Variants in CTNNA2 observed in about 807,000 individuals in gnomAD.
CTNNA2 encodes the protein catenin alpha 2, also known as catenin alpha-2.
CTNNA2 carries 42 observed loss-of-function variants against 101.0 expected under a neutral mutation model. The ratio of observed to expected loss-of-function variants is 0.42; its 90% CI spans 0.32 to 0.54. CTNNA2 has a LOEUF of 0.54. Among genes scored for constraint, CTNNA2 ranks in the 20% least tolerant of loss-of-function variants. The probability of loss-of-function intolerance (pLI) is 0.14; values close to 1 mark genes in which losing one functional copy is unlikely to be tolerated. For synonymous variants in CTNNA2, 450 were observed against 456.4 expected (o/e 0.99, Z 0.18); for missense variants, 871 against 1,223.1 (o/e 0.71, Z 4.29).
chr2:79,325,644 AGGTCACTGTG>A (rs1676729537), intron 3 of CTNNA2, among the ~76,000 whole-genome samples: 1 of 152,224 alleles, frequency 6.6e-6, no homozygotes, highest in African/African-American at 2.4e-5. Flanking sequence ...CTCTGTGGCC[AGGTCACTGTG>A]GGGACGGGGG....
At chr2:80,474,962 C>A (rs1472282263) in intron 9 of CTNNA2, among the ~76,000 whole-genome samples, 6 of 152,016 alleles carry the variant, frequency 3.9e-5, no homozygotes, top group Non-Finnish European at 5.9e-5. Context: ...ATTCTTAAGA[C>A]CAAAAAAATT....
intron 8 of CTNNA2, among the ~76,000 whole-genome samples, chr2:80,396,714 A>G (rs1678046443): frequency 4.6e-5 from 7 of 152,324 alleles, no homozygotes; most frequent in Admixed American, 4.6e-4. Flanking sequence ...AAGTTGATAA[A>G]TCAGCACCCA....
chr2:80,305,440 G>C (rs764908462), intron 7 of CTNNA2: 19 of 940,072 alleles, frequency 2.0e-5, no homozygotes, highest in Non-Finnish European at 2.4e-5. Flanking sequence ...GACATGGGGA[G>C]GGCTTACCCT....
At chr2:79,981,005 G>A (rs1691226499) in intron 7 of CTNNA2, among the ~76,000 whole-genome samples, 1 of 151,878 alleles carries the variant, frequency 6.6e-6, no homozygotes, top group Non-Finnish European at 1.5e-5. Context: ...GGCTTTGCTT[G>A]GTATTAGAAT....
intron 7 of CTNNA2, among the ~76,000 whole-genome samples, chr2:80,199,816 A>T (rs78616967): frequency 0.028 from 4,311 of 152,262 alleles, 206 homozygotes; most frequent in African/African-American, 0.097. Flanking sequence ...GTATGTCATC[A>T]TAAAGAAGAA....
At chr2:79,962,603 A>C (rs1390563501) in intron 7 of CTNNA2, among the ~76,000 whole-genome samples, 1 of 152,192 alleles carries the variant, frequency 6.6e-6, no homozygotes, top group Non-Finnish European at 1.5e-5. Context: ...ATGCCATATT[A>C]ATCCCCAACA....
chr2:79,329,827 C>T (rs1042421479), intron 3 of CTNNA2, among the ~76,000 whole-genome samples: 5 of 152,180 alleles, frequency 3.3e-5, no homozygotes, highest in Middle Eastern at 3.2e-3. Flanking sequence ...AATGAGTCCA[C>T]AATCTGGCTA....
intron 3 of CTNNA2, among the ~76,000 whole-genome samples, chr2:79,820,926 G>C (rs575930506): frequency 1.3e-5 from 2 of 152,176 alleles, no homozygotes; most frequent in South Asian, 4.2e-4. Context: ...ATTTTTAATG[G>C]TTGTTGTCTT....
At position 79,652,132 on chromosome 2, in the gene CTNNA2, G is replaced by A. The variant is rs183316696; in HGVS notation, c.102+474G>A. ...AGTTGTCACATTTCCACAAGATAAC[G>A]GTCAACAGAAAAATATCATCAGGAT... On this transcript the variant is annotated intron_variant, in intron 2 of 18. Coordinates refer to ENST00000402739, the MANE Select transcript of CTNNA2 (RefSeq NM_001282597.3). Among the ~76,000 whole-genome samples, 803 of 152,042 alleles carry A rather than the reference G, an allele frequency of 5.3e-3. 3 individuals carry two copies. The highest frequency in any genetic ancestry group is 5.8e-3 in the Non-Finnish European group (397 of 67,968).
chr2:79,342,277 A>G (rs565310216), intron 3 of CTNNA2, among the ~76,000 whole-genome samples: 2 of 152,330 alleles, frequency 1.3e-5, no homozygotes, highest in East Asian at 3.9e-4. Context: ...ATTGAAATAG[A>G]TTATGAATAA....
chr2:79,430,622 T>G (rs1678649831), intron 4 of CTNNA2, among the ~76,000 whole-genome samples: 1 of 152,162 alleles, frequency 6.6e-6, no homozygotes, highest in African/African-American at 2.4e-5. Flanking sequence ...GCATATATTA[T>G]TTTACTTAAC....
At chr2:80,212,562 T>G (rs1249766494) in intron 7 of CTNNA2, among the ~76,000 whole-genome samples, 1 of 151,646 alleles carries the variant, frequency 6.6e-6, no homozygotes, top group Non-Finnish European at 1.5e-5. Flanking sequence ...ATCCCAGGGA[T>G]GAAGCCAACT....
rs1165447044 is a variant in CTNNA2, at chr2:79,909,736, T to C, written c.995T>C (p.Val332Ala). 1 of 1,613,818 alleles carries C rather than the reference T, an allele frequency of 6.2e-7. No homozygotes were observed. Among genetic ancestry groups the C allele is most frequent in the Non-Finnish European group, 8.5e-7 (1 of 1,179,844 alleles). Residue 332 changes from valine to alanine, a missense_variant, in exon 7 of 19, where the codon GTG becomes GCG. By Grantham distance (64) the Val-to-Ala change is moderately conservative. Coordinates refer to ENST00000402739, the MANE Select transcript of CTNNA2 (RefSeq NM_001282597.3). ...CTRDDRRERI[V>A]AECNAVRQAL... is the part of the protein sequence containing the mutation. Reference sequence around the variant, plus strand: ...CGAGACGACCGGCGCGAGAGGATCGTGGCGGAGTGCAACGCCGTGCGGCAG... The same window carrying C: ...CGAGACGACCGGCGCGAGAGGATCGCGGCGGAGTGCAACGCCGTGCGGCAG...
chr2:79,594,619 A>T (rs925070010), intron 1 of CTNNA2, among the ~76,000 whole-genome samples: 2 of 152,168 alleles, frequency 1.3e-5, no homozygotes, highest in East Asian at 3.9e-4. Context: ...TCATATCTGC[A>T]GTTTTGTCAA....
At chr2:79,333,162 T>G (rs1226946796) in intron 3 of CTNNA2, among the ~76,000 whole-genome samples, 1 of 152,068 alleles carries the variant, frequency 6.6e-6, no homozygotes, top group Non-Finnish European at 1.5e-5. Flanking sequence ...GAAATGAAAC[T>G]CCTATTAGAA....
intron 7 of CTNNA2, among the ~76,000 whole-genome samples, chr2:80,129,898 C>T (rs1367747725): frequency 6.6e-6 from 1 of 152,074 alleles, no homozygotes; most frequent in Non-Finnish European, 1.5e-5. Flanking sequence ...AACCTCAGAA[C>T]TATGCTAAGT....
At chr2:80,285,063 T>A (rs1674651319) in intron 7 of CTNNA2, among the ~76,000 whole-genome samples, 1 of 152,088 alleles carries the variant, frequency 6.6e-6, no homozygotes, top group Non-Finnish European at 1.5e-5. Context: ...TTTTTTTTTC[T>A]GGAAGTGAAA....
intron 7 of CTNNA2, among the ~76,000 whole-genome samples, chr2:79,914,563 G>A (rs993701392): frequency 2.0e-5 from 3 of 152,084 alleles, no homozygotes; most frequent in African/African-American, 7.2e-5. Context: ...AATTTTATAT[G>A]CATAAACTCT....
chr2:80,274,250 G>A (rs762413761), intron 7 of CTNNA2, among the ~76,000 whole-genome samples: 25 of 152,174 alleles, frequency 1.6e-4, no homozygotes, highest in African/African-American at 5.3e-4. Context: ...GTCTGAAGAC[G>A]TATTGGGGAT....
Sources: allele counts gnomAD v4.1 joint callset (sites outside exome capture counted in the v4.1 genomes callset), GRCh38; gene constraint gnomAD v4.1.1; transcripts MANE v1.5; gene names NCBI Gene and HGNC (gene_info 2026-07-23, HGNC 2026-07-21).